ERC1: variants seen among roughly 807,000 people sequenced by gnomAD.
ERC1 encodes ELKS/RAB6-interacting/CAST family member 1.
ERC1 carries 56 observed loss-of-function variants against 132.0 expected under a neutral mutation model. That is an observed-to-expected ratio of 0.42 (90% CI 0.34 to 0.53). The LOEUF is 0.53. Ranked by LOEUF, ERC1 falls within the 20% of genes least tolerant of loss-of-function variation. ERC1 has a pLI of 0.03. For synonymous variants in ERC1, 478 were observed against 476.1 expected, an observed-to-expected ratio of 1.00 and a Z score of -0.05; for missense variants, 1,202 against 1,349.9, an observed-to-expected ratio of 0.89 and a Z score of 1.72.
chr12:1,179,905 C>A (rs1467316641), intron 8 of ERC1, among the ~76,000 whole-genome samples: 2 of 152,078 alleles, frequency 1.3e-5, no homozygotes, highest in Admixed American at 6.6e-5. Flanking sequence ...GAATGAATGG[C>A]CACAAAAATG....
chr12:1,408,066 T>C lies in ERC1; in HGVS notation c.2926-83T>C, dbSNP rs1014217988. ...ACAGGATTAGTTTTATCCTTTCTTA[T>C]GGAACTCTTAAAATACTCGTTACTT... On this transcript the variant is annotated intron_variant, in intron 16 of 18. Coordinates refer to ENST00000360905, the MANE Select transcript of ERC1 (RefSeq NM_178040.4). 12 of 907,862 alleles carry C rather than the reference T, an allele frequency of 1.3e-5. No homozygotes were observed. The African/African-American group carries it at 1.7e-4, about 13-fold the overall frequency. The allele number at this position is 907,862 out of a possible 1,614,324, so 56.2% of individuals were successfully genotyped here. A position where few individuals can be genotyped will look rare whatever the true frequency, so the allele number is the denominator to read the frequency against.
chr12:1,487,685 C>G (rs1273519888), intron 18 of ERC1, among the ~76,000 whole-genome samples: 1 of 151,168 alleles, frequency 6.6e-6, no homozygotes, highest in African/African-American at 2.4e-5. Flanking sequence ...AACCATTGCA[C>G]TCCCCCCAGA....
chr12:1,016,045 A>C (rs1965452406), intron 1 of ERC1, among the ~76,000 whole-genome samples: 1 of 150,996 alleles, frequency 6.6e-6, no homozygotes, highest in Non-Finnish European at 1.5e-5. Context: ...TTCACATATA[A>C]TTATTTAAAT....
At chr12:1,485,096 G>A (rs113281819) in intron 18 of ERC1, among the ~76,000 whole-genome samples, 4 of 149,514 alleles carry the variant, frequency 2.7e-5, no homozygotes, top group East Asian at 2.0e-4. Flanking sequence ...GCTGTGTTGC[G>A]CAGGCTGGTC....
chr12:1,177,807 A>G (rs1278611204), intron 8 of ERC1, among the ~76,000 whole-genome samples: 3 of 152,232 alleles, frequency 2.0e-5, no homozygotes, highest in Non-Finnish European at 4.4e-5. Context: ...ACAAACCTTC[A>G]GTTAGTAAAA....
At chr12:1,233,279 T>A (rs907682358) in intron 12 of ERC1, among the ~76,000 whole-genome samples, 1 of 152,082 alleles carries the variant, frequency 6.6e-6, no homozygotes, top group Non-Finnish European at 1.5e-5. Context: ...GAGACCAGCT[T>A]GGCCCACATG....
intron 2 of ERC1, among the ~76,000 whole-genome samples, chr12:1,052,396 G>C (rs1418597349): frequency 1.3e-5 from 2 of 152,114 alleles, no homozygotes; most frequent in African/African-American, 4.8e-5. Flanking sequence ...TGGGTGTGTG[G>C]ATAAATATTA....
intron 15 of ERC1, among the ~76,000 whole-genome samples, chr12:1,371,146 C>T (rs1220228651): frequency 1.3e-5 from 2 of 152,238 alleles, no homozygotes; most frequent in Non-Finnish European, 2.9e-5. Context: ...AGAACTTACT[C>T]ATCTTACGTA....
intron 15 of ERC1, among the ~76,000 whole-genome samples, chr12:1,325,365 A>G (rs925151377): frequency 6.6e-6 from 1 of 152,154 alleles, no homozygotes; most frequent in East Asian, 1.9e-4. Context: ...AAAAAATGCT[A>G]AGAGTTTGTG....
intron 1 of ERC1, among the ~76,000 whole-genome samples, chr12:1,025,016 G>T (rs1966842499): frequency 6.6e-6 from 1 of 152,128 alleles, no homozygotes; most frequent in Non-Finnish European, 1.5e-5. Flanking sequence ...TAGGTTTTAT[G>T]CAATTACTGT....
At chr12:1,423,065 C>T (rs1009563517) in intron 17 of ERC1, among the ~76,000 whole-genome samples, 2 of 152,154 alleles carry the variant, frequency 1.3e-5, no homozygotes, top group Non-Finnish European at 2.9e-5. Flanking sequence ...CAAACTGAAA[C>T]CCAACTCTTT....
At chr12:1,130,210 C>T (rs1435773751) in intron 7 of ERC1, among the ~76,000 whole-genome samples, 4 of 152,146 alleles carry the variant, frequency 2.6e-5, no homozygotes, top group African/African-American at 9.7e-5. Context: ...GTAAAGACCT[C>T]TGCAATGGCC....
chr12:1,460,424 AC>A (rs2154421243), intron 18 of ERC1, among the ~76,000 whole-genome samples: 1 of 152,240 alleles, frequency 6.6e-6, no homozygotes, highest in Non-Finnish European at 1.5e-5. Flanking sequence ...AGTCGGTGTT[AC>A]CCCATGAGCA....
chr12:1,181,810 A>G, intron 9 of ERC1, 115 bp from the exon 10 acceptor site: 1 of 1,153,266 alleles, frequency 8.7e-7, no homozygotes, highest in Non-Finnish European at 1.2e-6. Context: ...TGGATTCTTT[A>G]AAAACTTACC....
Position 1,025,687 on chromosome 12 carries a change from G to C in ERC1, c.-156-2061G>C, listed in dbSNP as rs141339982. Among the ~76,000 whole-genome samples, 25 of 151,524 alleles carry C rather than the reference G, an allele frequency of 1.6e-4. No homozygotes were observed. In the East Asian group the frequency reaches 4.9e-3, roughly 30 times the overall value. On this transcript the variant is annotated intron_variant, in intron 1 of 18. Transcript: ENST00000360905. The stretch of plus-strand genomic sequence containing the variant: ...CGTTATGTTTCTCAAAGAGCAACAA[G>C]TATTTAAACTTCATTTATTGAGTGA...
rs570440710 is a variant in ERC1, at chr12:1,459,860, G to A, written c.3213+15110G>A. ...CATCATAGGCACAGAGAAGAACACA[G>A]GTGGTACTCTTGCCAAACAATCACC... On this transcript the variant is annotated intron_variant, in intron 18 of 18. Coordinates refer to ENST00000360905, the MANE Select transcript of ERC1 (RefSeq NM_178040.4). Among the ~76,000 whole-genome samples, 28 of 152,294 alleles carry A rather than the reference G, an allele frequency of 1.8e-4. No individual in the cohort carries two copies. The South Asian group carries it at 5.8e-3, about 32-fold the overall frequency.
At chr12:1,373,441 T>A (rs2087482528) in intron 16 of ERC1, among the ~76,000 whole-genome samples, 1 of 152,178 alleles carries the variant, frequency 6.6e-6, no homozygotes, top group African/African-American at 2.4e-5. Flanking sequence ...TTTACAGTGG[T>A]TTTTGATTAG....
intron 16 of ERC1, among the ~76,000 whole-genome samples, chr12:1,374,491 C>CT (rs1369184306): frequency 1.3e-5 from 2 of 152,080 alleles, no homozygotes; most frequent in Non-Finnish European, 2.9e-5. Context: ...AAAAAATAAA[C>CT]TAAGGCTGTC....
chr12:1,410,208 A>T (rs184535100), intron 17 of ERC1, among the ~76,000 whole-genome samples: 1 of 152,350 alleles, frequency 6.6e-6, no homozygotes, highest in Admixed American at 6.5e-5. Context: ...GAACCTGCAG[A>T]TACAGAGGAC....
Sources: gnomAD v4.1 joint callset for allele counts (sites outside exome capture counted in the v4.1 genomes callset) on GRCh38, gnomAD v4.1.1 for gene constraint, MANE v1.5 for transcripts, NCBI Gene and HGNC (gene_info 2026-07-23, HGNC 2026-07-21) for gene names.